The following RSU1 variants were observed in gnomAD, a reference collection of about 807,000 sequenced individuals.
RSU1 encodes the protein Ras suppressor protein 1, also known as rsu-1.
RSU1 carries 26 observed loss-of-function variants against 31.1 expected under a neutral mutation model. The observed-to-expected ratio is 0.84, with a 90% CI of 0.61 to 1.16. The LOEUF (loss-of-function observed/expected upper bound fraction) is 1.16. Ranked by LOEUF, RSU1 falls within the 50% of genes most tolerant of loss-of-function variation. The pLI, the probability that RSU1 is intolerant of heterozygous loss-of-function variation, is 0.00. For synonymous variants in RSU1, 164 were observed against 136.3 expected (o/e 1.20, Z -1.41); for missense variants, 320 against 339.1 (o/e 0.94, Z 0.44).
chr10:16,602,141 G>A (rs1242133481), intron 8 of RSU1, among the ~76,000 whole-genome samples: 1 of 152,086 alleles, frequency 6.6e-6, no homozygotes, highest in Non-Finnish European at 1.5e-5. Flanking sequence ...CATATTTTGA[G>A]GCCTTGAAGA....
At chr10:16,718,477 T>C (rs1306397656) in intron 7 of RSU1, among the ~76,000 whole-genome samples, 2 of 152,156 alleles carry the variant, frequency 1.3e-5, no homozygotes, top group African/African-American at 4.8e-5. Context: ...GGGCAAAAAT[T>C]TTTGTTTGGT....
At chr10:16,812,166 G>T (rs975057611) in intron 2 of RSU1, among the ~76,000 whole-genome samples, 1 of 152,242 alleles carries the variant, frequency 6.6e-6, no homozygotes, top group Non-Finnish European at 1.5e-5. Context: ...TTAAGGCCGG[G>T]CACAGTGGCT....
intron 2 of RSU1, among the ~76,000 whole-genome samples, chr10:16,816,455 G>A (rs1838533929): frequency 6.6e-6 from 1 of 152,188 alleles, no homozygotes; most frequent in Admixed American, 6.5e-5. Flanking sequence ...AGGCAAGAGG[G>A]CAAGTTAGGA....
chr10:16,593,575 T>C lies in RSU1; in HGVS notation c.732-79A>G, dbSNP rs555872794. 115 of 1,097,176 alleles carry C rather than the reference T, an allele frequency of 1.0e-4. 3 individuals carry two copies. The highest frequency in any genetic ancestry group is 7.1e-4 in the South Asian group (55 of 77,788). 68.0% of individuals were successfully genotyped at this position (1,097,176 alleles called of 1,614,324 possible). A position where few individuals can be genotyped will look rare whatever the true frequency, so the allele number is the denominator to read the frequency against. On this transcript the variant is annotated intron_variant, in intron 8 of 8. Coordinates refer to ENST00000345264, the MANE Select transcript of RSU1 (RefSeq NM_012425.4). The stretch of plus-strand genomic sequence containing the variant: ...CTTTCACTGGAAGAGCTTTCAGGAA[T>C]AGAAGAATCTCCAAAAATATTCAGT...
chr10:16,788,168 C>T (rs542634658), intron 2 of RSU1, among the ~76,000 whole-genome samples: 1 of 152,278 alleles, frequency 6.6e-6, no homozygotes, highest in East Asian at 1.9e-4. Flanking sequence ...TAAGACTATG[C>T]TCAGCTTCAT....
intron 7 of RSU1, among the ~76,000 whole-genome samples, chr10:16,739,260 G>A (rs954089597): frequency 9.2e-5 from 14 of 151,716 alleles, no homozygotes; most frequent in African/African-American, 3.2e-4. Context: ...TGGTATTTCT[G>A]GTTCTAGATC....
intron 7 of RSU1, among the ~76,000 whole-genome samples, chr10:16,730,436 G>A (rs765353051): frequency 1.3e-5 from 2 of 152,146 alleles, no homozygotes; most frequent in African/African-American, 2.4e-5. Context: ...GAAGCCACCC[G>A]GAAGAGAAGT....
chr10:16,731,290 C>A (rs897805083), intron 7 of RSU1, among the ~76,000 whole-genome samples: 2 of 151,784 alleles, frequency 1.3e-5, no homozygotes, highest in African/African-American at 4.8e-5. Context: ...ATTAGCCGGG[C>A]GCGGGGGTGG....
At chr10:16,793,153 CTT>C (rs1837961237) in intron 2 of RSU1, among the ~76,000 whole-genome samples, 1 of 152,092 alleles carries the variant, frequency 6.6e-6, no homozygotes, top group Non-Finnish European at 1.5e-5. Flanking sequence ...TAAGGTAAAA[CTT>C]TTAAAATATC....
chr10:16,720,635 A>G (rs1448271541), intron 7 of RSU1, among the ~76,000 whole-genome samples: 1 of 152,242 alleles, frequency 6.6e-6, no homozygotes, highest in Non-Finnish European at 1.5e-5. Flanking sequence ...ATAAATAAGT[A>G]TACTACTCTT....
chr10:16,663,941 C>A (rs1466729094), intron 8 of RSU1, among the ~76,000 whole-genome samples: 1 of 152,120 alleles, frequency 6.6e-6, no homozygotes, highest in Non-Finnish European at 1.5e-5. Flanking sequence ...GTAGTGGGGT[C>A]TTTCTTGGGC....
intron 8 of RSU1, among the ~76,000 whole-genome samples, chr10:16,660,404 C>A (rs1834866007): frequency 6.6e-6 from 1 of 152,148 alleles, no homozygotes; most frequent in Admixed American, 6.5e-5. Flanking sequence ...AAACAGCATC[C>A]ATGAAACTGT....
At chr10:16,631,938 C>T (rs1228306878) in intron 8 of RSU1, among the ~76,000 whole-genome samples, 1 of 152,176 alleles carries the variant, frequency 6.6e-6, no homozygotes, top group African/African-American at 2.4e-5. Flanking sequence ...ACCTGATGTT[C>T]ATGGCAAATG....
rs191163403 is a variant in RSU1 at position 16,613,315 on chromosome 10, G to A, written c.732-19819C>T. On this transcript the variant is annotated intron_variant, in intron 8 of 8. Transcript: ENST00000345264. ...GTGCTTCCTGCTCCTGGAATTGCTT[G>A]TAAGCAGGCTGTGAGTCTCCACAGA... 3.9e-5 allele frequency among the ~76,000 whole-genome samples: 6 copies of A among 152,318 alleles called. No homozygotes were observed. In the East Asian group the frequency reaches 1.2e-3, roughly 29 times the overall value.
At chr10:16,683,212 G>A (rs1423236138) in intron 8 of RSU1, among the ~76,000 whole-genome samples, 1 of 134,674 alleles carries the variant, frequency 7.4e-6, no homozygotes, top group African/African-American at 2.7e-5. Flanking sequence ...TCAAGACTTG[G>A]AGAGCCATTT....
At chr10:16,697,776 T>C (rs1335745015) in intron 7 of RSU1, among the ~76,000 whole-genome samples, 2 of 152,122 alleles carry the variant, frequency 1.3e-5, no homozygotes, top group African/African-American at 4.8e-5. Flanking sequence ...AGAAATGAAT[T>C]CCTAAGCTAA....
intron 8 of RSU1, among the ~76,000 whole-genome samples, chr10:16,689,204 C>T (rs1359228006): frequency 6.6e-6 from 1 of 152,108 alleles, no homozygotes; most frequent in East Asian, 1.9e-4. Context: ...AAATTTAACC[C>T]TCTCCTCCAT....
chr10:16,719,752 G>A (rs1172154318), intron 7 of RSU1, among the ~76,000 whole-genome samples: 1 of 152,190 alleles, frequency 6.6e-6, no homozygotes, highest in Non-Finnish European at 1.5e-5. Context: ...CTGCATCAAT[G>A]GCTGCTATGT....
At chr10:16,730,624 GT>G (rs1258899556) in intron 7 of RSU1, among the ~76,000 whole-genome samples, 1 of 152,194 alleles carries the variant, frequency 6.6e-6, no homozygotes, top group African/African-American at 2.4e-5. Flanking sequence ...GATTTGGGGG[GT>G]TTTTTGGTGC....
Sources: allele counts gnomAD v4.1 joint callset (sites outside exome capture counted in the v4.1 genomes callset), GRCh38; gene constraint gnomAD v4.1.1; transcripts MANE v1.5; gene names NCBI Gene and HGNC (gene_info 2026-07-23, HGNC 2026-07-21).